Variants in ENPP3 observed in about 807,000 individuals in gnomAD.
ENPP3 encodes ectonucleotide pyrophosphatase/phosphodiesterase family member 3.
A neutral mutation model predicts 117.8 loss-of-function variants in ENPP3; 104 were observed. That is an observed-to-expected ratio of 0.88 (90% CI 0.75 to 1.04). The LOEUF (loss-of-function observed/expected upper bound fraction) is 1.04, where lower values mean the gene tolerates loss of function less well. ENPP3 is among the 50% of genes least tolerant of loss of function. The pLI, the probability that ENPP3 is intolerant of heterozygous loss-of-function variation, is 0.00. For missense variants in ENPP3, 1,026 were observed against 1,051.9 expected, an observed-to-expected ratio of 0.98 and a Z score of 0.34; for synonymous variants, 380 against 349.9, an observed-to-expected ratio of 1.09 and a Z score of -0.96.
rs769670121 is a variant in ENPP3, at chr6:131,671,351, G to C, written c.642+24G>C. On this transcript the variant is annotated intron_variant, in intron 7 of 24. Transcript: ENST00000357639. ...CGGTAAGTGCTTGACCCAGTGGTAA[G>C]ACAGGCCAAAGACCAGAACTGACCA... 3 of 1,451,280 alleles carry C rather than the reference G, an allele frequency of 2.1e-6. No individual in the cohort carries two copies. In the Admixed American group the frequency reaches 5.1e-5, roughly 25 times the overall value. 89.9% of individuals were successfully genotyped at this position (1,451,280 alleles called of 1,614,324 possible). A position where few individuals can be genotyped will look rare whatever the true frequency, so the allele number is the denominator to read the frequency against.
chr6:131,644,345 A>G (rs76880540), intron 2 of ENPP3, among the ~76,000 whole-genome samples: 1,802 of 152,300 alleles, frequency 0.012, 36 homozygotes, highest in African/African-American at 0.042. Flanking sequence ...TAGATAGTAG[A>G]GTGAGAGCAG....
Position 131,682,357 on chromosome 6 carries a change from G to T in ENPP3, c.1012-697G>T, listed in dbSNP as rs1000797446. Among the ~76,000 whole-genome samples, 11 of 152,034 alleles carry T rather than the reference G, an allele frequency of 7.2e-5. 1 individual carries two copies. Among genetic ancestry groups the T allele is most frequent in the Admixed American group, 7.2e-4 (11 of 15,250 alleles). On this transcript the variant is annotated intron_variant, in intron 11 of 24. Transcript: ENST00000357639. ...AAAAATTAAAGAATTAGCCAGGCATGATGGTGTCCACCTGTGGTGCTAGCT... is the reference window on the plus strand; with the variant it reads ...AAAAATTAAAGAATTAGCCAGGCATTATGGTGTCCACCTGTGGTGCTAGCT...
At chr6:131,737,233 T>C (rs1780415540) in intron 21 of ENPP3, 122 bp from the exon 22 acceptor site, 1 of 621,112 alleles carries the variant, frequency 1.6e-6, no homozygotes, top group South Asian at 2.4e-5. Context: ...TGTTAGAAAG[T>C]ACTACTTCTG....
chr6:131,663,676 A>G (rs1010069525), intron 6 of ENPP3, among the ~76,000 whole-genome samples: 1 of 150,072 alleles, frequency 6.7e-6, no homozygotes, highest in African/African-American at 2.5e-5. Context: ...CCTGGGTAAC[A>G]GAGCGAGTTC....
Position 131,746,866 on chromosome 6 carries a change from T to G in ENPP3, c.2538T>G (p.Thr846=), listed in dbSNP as rs747617455. The part of the protein sequence containing the change: ...IARVRDVELL[T]GLDFYQDKVQ... ...GGGTCCGTGATGTAGAACTTCTCACTGGGCTTGACTTCTATCAGGATAAAG... is the reference window on the plus strand; with the variant it reads ...GGGTCCGTGATGTAGAACTTCTCACGGGGCTTGACTTCTATCAGGATAAAG... The change falls in exon 25 of 25, where the codon ACT becomes ACG. Residue 846 remains threonine, a synonymous_variant. Transcript: ENST00000357639. 1.2e-5 allele frequency: 20 copies of G among 1,613,360 alleles called. No individual in the cohort carries two copies. The East Asian group carries it at 4.5e-4, about 36-fold the overall frequency.
At chr6:131,692,726 T>C (rs1779306846) in intron 14 of ENPP3, among the ~76,000 whole-genome samples, 1 of 146,430 alleles carries the variant, frequency 6.8e-6, no homozygotes, top group African/African-American at 2.5e-5. Flanking sequence ...GTATATATTA[T>C]ATGGCTATAT....
At chr6:131,658,243 G>A (rs1778426275) in intron 5 of ENPP3, 80 bp from the exon 6 acceptor site, 1 of 767,106 alleles carries the variant, frequency 1.3e-6, no homozygotes, top group African/African-American at 1.7e-5. Context: ...CTTAAACACA[G>A]GTCTAAAAAA....
chr6:131,725,613 G>A (rs144980252), intron 19 of ENPP3, among the ~76,000 whole-genome samples: 287 of 152,236 alleles, frequency 1.9e-3, no homozygotes, highest in Non-Finnish European at 3.5e-3. Flanking sequence ...TAAGACATAA[G>A]TTTATAAAAT....
At chr6:131,703,248 A>T (rs1236294441) in intron 15 of ENPP3, among the ~76,000 whole-genome samples, 3 of 136,504 alleles carry the variant, frequency 2.2e-5, no homozygotes, top group Non-Finnish European at 4.5e-5. Flanking sequence ...CTTTAAAAAA[A>T]TTTTTAAAAT....
chr6:131,643,550 C>A (rs1429912836), intron 2 of ENPP3, among the ~76,000 whole-genome samples: 1 of 152,104 alleles, frequency 6.6e-6, no homozygotes, highest in African/African-American at 2.4e-5. Flanking sequence ...ACATAGTCAT[C>A]CTCTTTATTA....
chr6:131,724,048 G>C lies in ENPP3; in HGVS notation c.1755G>C (p.Gln585His). The C allele has an allele frequency of 6.2e-7, 1 of 1,611,538 alleles. No individual in the cohort carries two copies. Among genetic ancestry groups the C allele is most frequent in the South Asian group, 1.1e-5 (1 of 90,966 alleles). Residue 585 changes from glutamine to histidine, a missense_variant, in exon 19 of 25, where the codon CAG becomes CAC. Coordinates refer to ENST00000357639, the MANE Select transcript of ENPP3 (RefSeq NM_005021.5). ...CCCTCATTATCTTGCAGAGTACTCA[G>C]CTGGAACAAGTGAATCAGATGCTAA... ...CFCPHLQNSTQLEQVNQMLNL... is the reference protein window; with the variant it reads ...CFCPHLQNSTHLEQVNQMLNL...
chr6:131,663,563 G>T (rs1778550990), intron 6 of ENPP3, among the ~76,000 whole-genome samples: 1 of 150,654 alleles, frequency 6.6e-6, no homozygotes, highest in Admixed American at 6.6e-5. Context: ...GCACAATGGG[G>T]TGTGCCAGTA....
chr6:131,739,908 T>A (rs1159693026), intron 23 of ENPP3, among the ~76,000 whole-genome samples: 1 of 146,798 alleles, frequency 6.8e-6, no homozygotes, highest in African/African-American at 2.5e-5. Flanking sequence ...CCATCTCTAT[T>A]AAAAAAAAAA....
intron 2 of ENPP3, among the ~76,000 whole-genome samples, chr6:131,649,453 C>T (rs533430066): frequency 1.6e-4 from 24 of 152,170 alleles, no homozygotes; most frequent in African/African-American, 5.3e-4. Context: ...ATTTTTAAAA[C>T]CTTGATCCTT....
intron 1 of ENPP3, chr6:131,638,553 G>A (rs1007002363): frequency 4.9e-6 from 2 of 404,258 alleles, no homozygotes; most frequent in South Asian, 1.8e-5. Context: ...ACAGGCACAT[G>A]CCACAAGGCT....
At chr6:131,677,399 C>G (rs890681860) in intron 10 of ENPP3, among the ~76,000 whole-genome samples, 1 of 152,124 alleles carries the variant, frequency 6.6e-6, no homozygotes, top group Admixed American at 6.6e-5. Flanking sequence ...GCAGGCCTGA[C>G]ACTCAGTTAT....
At chr6:131,648,690 T>A (rs1188900506) in intron 2 of ENPP3, among the ~76,000 whole-genome samples, 1 of 152,230 alleles carries the variant, frequency 6.6e-6, no homozygotes, top group African/African-American at 2.4e-5. Flanking sequence ...TGAACTTTCC[T>A]AGACACACTA....
At chr6:131,686,291 A>G (rs1295574065) in intron 14 of ENPP3, among the ~76,000 whole-genome samples, 4 of 152,170 alleles carry the variant, frequency 2.6e-5, no homozygotes, top group African/African-American at 9.7e-5. Flanking sequence ...CAAAAAGATA[A>G]TCTCTTTACT....
chr6:131,653,124 C>T (rs748549231), intron 5 of ENPP3, among the ~76,000 whole-genome samples: 4 of 152,046 alleles, frequency 2.6e-5, no homozygotes, highest in Non-Finnish European at 2.9e-5. Flanking sequence ...CTTACAACGA[C>T]GACTTTATTT....
Sources: allele counts gnomAD v4.1 joint callset (sites outside exome capture counted in the v4.1 genomes callset), GRCh38; gene constraint gnomAD v4.1.1; transcripts MANE v1.5; gene names NCBI Gene and HGNC (gene_info 2026-07-23, HGNC 2026-07-21).